The following SYNGR3 variants were observed in gnomAD, a reference collection of about 807,000 sequenced individuals.
SYNGR3 encodes the protein synaptogyrin-3.
In SYNGR3, 10 loss-of-function variants were observed where a neutral mutation model predicts 18.5. The ratio of observed to expected loss-of-function variants is 0.54; its 90% CI spans 0.33 to 0.92. The LOEUF is 0.92. SYNGR3 is among the 40% of genes least tolerant of loss of function. SYNGR3 has a pLI of 0.02. For synonymous variants in SYNGR3, 188 were observed against 157.2 expected (o/e 1.20, Z -1.47); for missense variants, 335 against 332.8 (o/e 1.01, Z -0.05).
At chr16:1,992,609 C>A in intron 2 of SYNGR3, 27 bp from the exon 3 acceptor site, 1 of 1,582,218 alleles carries the variant, frequency 6.3e-7, no homozygotes, top group South Asian at 1.1e-5. Flanking sequence ...CGTGGAGCGT[C>A]GCCCTGACGC....
chr16:1,992,758 T>C lies in SYNGR3; in HGVS notation c.460T>C (p.Phe154Leu). Residue 154 changes from phenylalanine (F) to leucine (L), a missense_variant, in exon 3 of 4, where the codon TTC becomes CTC. Transcript: ENST00000248121. ...DAARAAIAFS[F>L]FSILSWVALT... ...GGCGCGGGCCGCCATCGCCTTCAGC[T>C]TCTTCTCCATCCTCAGCTGGGTGAG... The C allele has an allele frequency of 6.3e-7, 1 of 1,575,038 alleles. No homozygotes were observed. Among genetic ancestry groups the C allele is most frequent in the Middle Eastern group, 1.7e-4 (1 of 5,776 alleles).
chr16:1,993,057 G>C lies in SYNGR3; in HGVS notation c.675G>C (p.Gln225His). Residue 225 changes from glutamine (Q) to histidine (H), a missense_variant, in exon 4 of 4, where the codon CAG becomes CAC. Physicochemically the swap from Gln to His is conservative, Grantham distance 24. Transcript: ENST00000248121. Reference protein sequence around the residue: ...ETLDTSPKGYQVPAY With the variant: ...ETLDTSPKGYHVPAY Reference sequence around the variant, plus strand: ...TGGACACCAGCCCCAAAGGGTACCAGGTGCCCGCCTACTAGCGGCTGGCAG... The same window carrying C: ...TGGACACCAGCCCCAAAGGGTACCACGTGCCCGCCTACTAGCGGCTGGCAG... The C allele has an allele frequency of 6.2e-7, 1 of 1,610,926 alleles. No individual in the cohort carries two copies. The highest frequency in any genetic ancestry group is 2.2e-5 in the East Asian group (1 of 44,772).
In SYNGR3 at chr16:1,993,275, C is replaced by T; in HGVS notation, c.*203C>T. ...CCCCCAGTCCCTCAGCACCTGGCCC[C>T]AGGACTGAGGTCCTGAGAAGGGGAT... On this transcript the variant is annotated 3_prime_UTR_variant, in exon 4 of 4. Transcript: ENST00000248121. 1 of 653,560 alleles carries T rather than the reference C, an allele frequency of 1.5e-6. No homozygotes were observed. 40.5% of individuals were successfully genotyped at this position (653,560 alleles called of 1,614,324 possible).
At chr16:1,990,265 GCCCCCTGCCCCCTA>G (rs1382778315) in intron 1 of SYNGR3, 64 bp downstream of exon 1, 13 of 694,466 alleles carry the variant, frequency 1.9e-5, no homozygotes, top group Admixed American at 6.1e-5. Context: ...GCCCCTACCA[GCCCCCTGCCCCCTA>G]CCCCCTGCCC....
chr16:1,991,799 C>T, intron 1 of SYNGR3, 175 bp from the exon 2 acceptor site: 1 of 584,668 alleles, frequency 1.7e-6, no homozygotes, highest in Non-Finnish European at 2.9e-6. Context: ...CACTAAACGG[C>T]CCGTGTTGTC....
chr16:1,991,811 A>G (rs542323053), intron 1 of SYNGR3, 163 bp from the exon 2 acceptor site: 8 of 611,770 alleles, frequency 1.3e-5, no homozygotes, highest in Non-Finnish European at 2.2e-5. Context: ...CGTGTTGTCA[A>G]TAATTACTAA....
In SYNGR3 at chr16:1,991,964, C is replaced by T; in HGVS notation, c.100-10C>T. 1.3e-6 allele frequency: 2 copies of T among 1,587,126 alleles called. No homozygotes were observed. The highest frequency in any genetic ancestry group is 1.7e-6 in the Non-Finnish European group (2 of 1,169,262). ...TCGCCGCAGGGCCCTGAGCGCCGCG[C>T]CGCACGCAGGTGTTCTCCATCGCCG... On this transcript the variant is annotated splice_polypyrimidine_tract_variant and intron_variant, in intron 1 of 3. Transcript: ENST00000248121.
chr16:1,992,814 CG>C (rs913998763), intron 3 of SYNGR3, 36 bp downstream of exon 3: 36 of 1,504,524 alleles, frequency 2.4e-5, no homozygotes, highest in Non-Finnish European at 2.9e-5. Flanking sequence ...GGCGAAGGGG[CG>C]GGCGCTCGGC....
In SYNGR3 at chr16:1,992,794, G is replaced by T; in HGVS notation, c.480+16G>T. The T allele has an allele frequency of 6.6e-7, 1 of 1,522,326 alleles. No homozygotes were observed. Among genetic ancestry groups the T allele is most frequent in the Non-Finnish European group, 8.8e-7 (1 of 1,139,960 alleles). The allele number at this position is 1,522,326 out of a possible 1,614,324, so 94.3% of individuals were successfully genotyped here. ...CCTCAGCTGGGTGAGTGCGGGGCCC[G>T]GGAGGGCGGGGCGAAGGGGCGGGCG... On this transcript the variant is annotated intron_variant, in intron 3 of 3. Coordinates refer to ENST00000248121, the MANE Select transcript of SYNGR3 (RefSeq NM_004209.6).
At position 1,990,003 on chromosome 16, in the gene SYNGR3, G is replaced by A. The variant is rs1030132335; in HGVS notation, c.-100G>A. On this transcript the variant is annotated 5_prime_UTR_variant, in exon 1 of 4. Transcript: ENST00000248121. ...AGCGGCTGCAGCGTTGGTAGCATCA[G>A]CATCAGCATCAGCGGCAGCGGCAGC... 9 of 351,392 alleles carry A rather than the reference G, an allele frequency of 2.6e-5. No homozygotes were observed. The highest frequency in any genetic ancestry group is 4.1e-5 in the Non-Finnish European group (9 of 219,518). 21.8% of individuals were successfully genotyped at this position (351,392 alleles called of 1,614,324 possible).
In SYNGR3 at chr16:1,990,191, T is replaced by C; in HGVS notation, c.89T>C (p.Val30Ala). ...CGGCGGCCCCAGACCCTGCTCCGGG[T>C]CGCGTCCTGGGTGAGTGGTCCCTGC... ...FARRPQTLLR[V>A]ASWVFSIAVF... Residue 30 changes from valine (V) to alanine (A), a missense_variant, in exon 1 of 4, where the codon GTC becomes GCC. By Grantham distance (64) the Val-to-Ala change is moderately conservative. Transcript: ENST00000248121. The C allele has an allele frequency of 7.8e-7, 1 of 1,275,756 alleles. No individual in the cohort carries two copies. Among genetic ancestry groups the C allele is most frequent in the Non-Finnish European group, 9.9e-7 (1 of 1,009,774 alleles). The allele number at this position is 1,275,756 out of a possible 1,614,324, so 79.0% of individuals were successfully genotyped here.
chr16:1,993,888 T>C lies in SYNGR3; in HGVS notation c.*816T>C. ...CCACCGTGCCCCACAAGATGGCCCC[T>C]GTGTGGTTCCCTTTACCTTGGCTTC... On this transcript the variant is annotated 3_prime_UTR_variant, in exon 4 of 4. Coordinates refer to ENST00000248121, the MANE Select transcript of SYNGR3 (RefSeq NM_004209.6). 9.9e-6 allele frequency: 3 copies of C among 303,260 alleles called. No individual in the cohort carries two copies. Among genetic ancestry groups the C allele is most frequent in the South Asian group, 8.3e-5 (3 of 36,008 alleles). The allele number at this position is 303,260 out of a possible 1,614,324, so 18.8% of individuals were successfully genotyped here.
At chr16:1,992,456 C>A in intron 2 of SYNGR3, 180 bp from the exon 3 acceptor site, 2 of 886,564 alleles carry the variant, frequency 2.3e-6, no homozygotes, top group Non-Finnish European at 3.1e-6. Context: ...GGGCGCGGAA[C>A]GGGTCTGGCG....
chr16:1,992,352 T>G (rs112443406), intron 2 of SYNGR3, 141 bp downstream of exon 2: 84,466 of 215,028 alleles, frequency 0.39, 8,269 homozygotes, highest in South Asian at 0.48. Flanking sequence ...GGAGTGTCAA[T>G]GGGCCTCCCG....
chr16:1,990,478 A>T, intron 1 of SYNGR3: 1 of 545,938 alleles, frequency 1.8e-6, no homozygotes, highest in Non-Finnish European at 3.5e-6. Context: ...CCCCGGGTCT[A>T]ATTTCAGTCC....
In SYNGR3 at chr16:1,993,193, C is replaced by A. The variant is rs528433045; in HGVS notation, c.*121C>A. On this transcript the variant is annotated 3_prime_UTR_variant, in exon 4 of 4. Transcript: ENST00000248121. ...GCGGACAGAGTAGGTGGCCGCTTTG[C>A]GCCATCCGGGGCCAAGAGGGGGTGG... 36 of 1,287,532 alleles carry A rather than the reference C, an allele frequency of 2.8e-5. No individual in the cohort carries two copies. The African/African-American group carries it at 4.4e-4, about 16-fold the overall frequency. 79.8% of individuals were successfully genotyped at this position (1,287,532 alleles called of 1,614,324 possible). A position where few individuals can be genotyped will look rare whatever the true frequency, so the allele number is the denominator to read the frequency against.
Position 1,993,738 on chromosome 16 carries a change from T to C in SYNGR3, c.*666T>C, listed in dbSNP as rs2083617315. On this transcript the variant is annotated 3_prime_UTR_variant, in exon 4 of 4. Coordinates refer to ENST00000248121, the MANE Select transcript of SYNGR3 (RefSeq NM_004209.6). ...TCTGGCCAGGAAGGCACAAGGTAGC[T>C]GTGGGCCAAGACACCAGCCCTGTCC... The C allele has an allele frequency of 1.8e-5, 7 of 392,830 alleles. No individual in the cohort carries two copies. The highest frequency in any genetic ancestry group is 1.1e-4 in the South Asian group (6 of 54,044). The allele number at this position is 392,830 out of a possible 1,614,324, so 24.3% of individuals were successfully genotyped here. A position where few individuals can be genotyped will look rare whatever the true frequency, so the allele number is the denominator to read the frequency against.
rs1161200735 is a variant in SYNGR3 at position 1,993,224 on chromosome 16, C to T, written c.*152C>T. The T allele has an allele frequency of 4.1e-6, 4 of 964,166 alleles. No individual in the cohort carries two copies. The highest frequency in any genetic ancestry group is 2.6e-5 in the East Asian group (1 of 38,022). 59.7% of individuals were successfully genotyped at this position (964,166 alleles called of 1,614,324 possible). Reference sequence around the variant, plus strand: ...CCGGGGCCAAGAGGGGGTGGACCCGCGTGTCTGGGCTGCCCCTGCCAAGTT... The same window carrying T: ...CCGGGGCCAAGAGGGGGTGGACCCGTGTGTCTGGGCTGCCCCTGCCAAGTT... On this transcript the variant is annotated 3_prime_UTR_variant, in exon 4 of 4. Coordinates refer to ENST00000248121, the MANE Select transcript of SYNGR3 (RefSeq NM_004209.6).
chr16:1,990,590 C>T, intron 1 of SYNGR3: 1 of 414,124 alleles, frequency 2.4e-6, no homozygotes, highest in Non-Finnish European at 4.9e-6. Context: ...CTACGGGAAC[C>T]GAGAAGCGCC....
Sources: gnomAD v4.1 joint callset for allele counts on GRCh38, gnomAD v4.1.1 for gene constraint, MANE v1.5 for transcripts, NCBI Gene and HGNC (gene_info 2026-07-23, HGNC 2026-07-21) for gene names.